The following KANK1 variants were observed in gnomAD, a reference collection of about 807,000 sequenced individuals.
KANK1 encodes KN motif and ankyrin repeat domains 1, also known as KN motif and ankyrin repeat domain-containing protein 1.
Under a neutral mutation model 106.2 loss-of-function variants are expected in KANK1, and 109 were observed. That is an observed-to-expected ratio of 1.03 (90% CI 0.88 to 1.20). KANK1 has a LOEUF of 1.20. Among genes scored for constraint, KANK1 ranks in the 50% most tolerant of loss-of-function variants. The pLI is 0.00. For synonymous variants in KANK1, 873 were observed against 652.2 expected (o/e 1.34, Z -5.16); for missense variants, 2,399 against 1,710.7 (o/e 1.40, Z -7.10).
chr9:482,377 G>A (rs562482744), intron 3 of KANK1, among the ~76,000 whole-genome samples: 1 of 152,274 alleles, frequency 6.6e-6, no homozygotes, highest in Non-Finnish European at 1.5e-5. Context: ...CTTTGTTGGG[G>A]TACTAAGTGC....
chr9:606,617 TA>T (rs1401757341), intron 1 of KANK1, among the ~76,000 whole-genome samples: 27 of 90,110 alleles, frequency 3.0e-4, no homozygotes, highest in East Asian at 6.7e-4. Flanking sequence ...TGTGTGTGTA[TA>T]TATTTATATA....
At position 707,497 on chromosome 9, in the gene KANK1, G is replaced by C. The variant is rs940086765; in HGVS notation, c.38-3307G>C. Among the ~76,000 whole-genome samples the C allele has an allele frequency of 2.0e-5, 3 of 149,556 alleles. 1 individual carries two copies. The highest frequency in any genetic ancestry group is 7.4e-5 in the African/African-American group (3 of 40,482). On this transcript the variant is annotated intron_variant, in intron 2 of 11. Transcript: ENST00000382297. ...TCAGACAGTCCTGGAGACAGGTCTG[G>C]CTGCTGCAGCTTCTCTCCTGTTAAT...
intron 3 of KANK1, chr9:484,564 C>G (rs1034714977): frequency 6.6e-6 from 1 of 152,202 alleles, no homozygotes; most frequent in Admixed American, 6.5e-5. Flanking sequence ...AATACATTAC[C>G]TCATCCCTCC....
intron 8 of KANK1, 29 bp from the exon 9 acceptor site, chr9:740,763 A>C (rs897316679): frequency 6.3e-7 from 1 of 1,578,250 alleles, no homozygotes; most frequent in African/African-American, 1.5e-5. Flanking sequence ...GCTGCTTCCT[A>C]AGAGACTTTT....
rs1456229823 is a variant in KANK1, at chr9:684,932, G to C, written c.37+7923G>C. The stretch of plus-strand genomic sequence containing the variant: ...AAAAAAAAATTAATTGCATTGGGTA[G>C]ACTTCTCTAATAAAACCTTTAAGGA... On this transcript the variant is annotated intron_variant, in intron 2 of 11. Coordinates refer to ENST00000382297, the MANE Select transcript of KANK1 (RefSeq NM_015158.5). 2.0e-5 allele frequency among the ~76,000 whole-genome samples: 3 copies of C among 152,016 alleles called. No individual in the cohort carries two copies. In the East Asian group the frequency reaches 5.8e-4, roughly 29 times the overall value.
chr9:550,768 C>T (rs1313986379), intron 1 of KANK1, among the ~76,000 whole-genome samples: 1 of 152,152 alleles, frequency 6.6e-6, no homozygotes, highest in Non-Finnish European at 1.5e-5. Context: ...TAATTATGAG[C>T]GTAAGGCCCA....
intron 1 of KANK1, among the ~76,000 whole-genome samples, chr9:534,139 C>T (rs908184655): frequency 2.2e-4 from 34 of 152,242 alleles, no homozygotes; most frequent in Middle Eastern, 3.4e-3. Context: ...TCTCGATTTG[C>T]TTGGAAAGGG....
intron 1 of KANK1, among the ~76,000 whole-genome samples, chr9:545,064 G>A (rs1486366782): frequency 7.3e-6 from 1 of 137,316 alleles, no homozygotes; most frequent in Non-Finnish European, 1.5e-5. Flanking sequence ...GGCGGCTGAG[G>A]AGGAGAATCT....
At chr9:510,042 C>T (rs1186525047) in intron 1 of KANK1, among the ~76,000 whole-genome samples, 1 of 151,706 alleles carries the variant, frequency 6.6e-6, no homozygotes, top group Non-Finnish European at 1.5e-5. Context: ...AAACTCCTGG[C>T]CTCAAACAAT....
intron 1 of KANK1, among the ~76,000 whole-genome samples, chr9:562,668 A>G (rs879829147): frequency 1.5e-4 from 23 of 152,164 alleles, no homozygotes; most frequent in African/African-American, 5.6e-4. Flanking sequence ...TCCTGAGATG[A>G]TATATTGGAT....
chr9:661,498 C>T (rs1362112647), intron 1 of KANK1, among the ~76,000 whole-genome samples: 1 of 152,112 alleles, frequency 6.6e-6, no homozygotes, highest in Non-Finnish European at 1.5e-5. Context: ...TGTATATGTG[C>T]CACGTTTTAT....
chr9:540,642 C>T (rs970711786), intron 1 of KANK1: 1 of 152,216 alleles, frequency 6.6e-6, no homozygotes, highest in Non-Finnish European at 1.5e-5. Flanking sequence ...GAAGCCGTGA[C>T]ATCCTGGGAT....
chr9:622,151 G>T (rs1833293864), intron 1 of KANK1, among the ~76,000 whole-genome samples: 1 of 152,098 alleles, frequency 6.6e-6, no homozygotes, highest in South Asian at 2.1e-4. Flanking sequence ...GTCTAATTTC[G>T]GTCAGTAGAA....
intron 1 of KANK1, among the ~76,000 whole-genome samples, chr9:531,422 C>T (rs117918474): frequency 0.04 from 6,133 of 152,166 alleles, 127 homozygotes; most frequent in Non-Finnish European, 0.053. Flanking sequence ...CAGAGTGAGA[C>T]CCTGTCTCAA....
chr9:585,049 C>T (rs1436026961), intron 1 of KANK1, among the ~76,000 whole-genome samples: 1 of 152,208 alleles, frequency 6.6e-6, no homozygotes, highest in Admixed American at 6.5e-5. Flanking sequence ...TTATCTGCAG[C>T]ATTTGATGTG....
intron 1 of KANK1, among the ~76,000 whole-genome samples, chr9:596,752 C>G (rs1279440032): frequency 6.6e-6 from 1 of 151,696 alleles, no homozygotes; most frequent in African/African-American, 2.4e-5. Flanking sequence ...ATGAAATTCA[C>G]ATAATATAAC....
intron 1 of KANK1, among the ~76,000 whole-genome samples, chr9:592,762 CA>C (rs1375386071): frequency 6.6e-6 from 1 of 151,830 alleles, no homozygotes; most frequent in African/African-American, 2.4e-5. Context: ...AATGAATAGC[CA>C]CCTGCAATTT....
intron 1 of KANK1, among the ~76,000 whole-genome samples, chr9:530,146 T>G (rs1035681558): frequency 1.3e-5 from 2 of 152,198 alleles, no homozygotes; most frequent in Admixed American, 6.5e-5. Flanking sequence ...CTAAGGGAAA[T>G]AAGCCCCTCA....
chr9:470,654 G>A (rs939688120), exon 2 of KANK1: 3 of 152,316 alleles, frequency 2.0e-5, no homozygotes, highest in African/African-American at 4.8e-5. Context: ...CAGTGGGAAC[G>A]GACACGCGTG....
Sources: allele counts gnomAD v4.1 joint callset (sites outside exome capture counted in the v4.1 genomes callset), GRCh38; gene constraint gnomAD v4.1.1; transcripts MANE v1.5; gene names NCBI Gene and HGNC (gene_info 2026-07-23, HGNC 2026-07-21).